The following SRPK2 variants were observed in gnomAD, a reference collection of about 807,000 sequenced individuals.
The protein encoded by SRPK2 is SFRS protein kinase 2.
SRPK2 carries 21 observed loss-of-function variants against 90.8 expected under a neutral mutation model. That is an observed-to-expected ratio of 0.23 (90% confidence interval 0.16 to 0.33). The LOEUF (loss-of-function observed/expected upper bound fraction) is 0.33. Ranked by LOEUF, SRPK2 falls within the 10% of genes least tolerant of loss-of-function variation. The pLI is 1.00. For missense variants in SRPK2, 620 were observed against 869.0 expected (o/e 0.71, Z 3.60); for synonymous variants, 288 against 311.1 (o/e 0.93, Z 0.78).
intron 2 of SRPK2, among the ~76,000 whole-genome samples, chr7:105,261,527 CAA>C (rs557687150): frequency 4.5e-5 from 6 of 134,550 alleles, no homozygotes; most frequent in African/African-American, 2.7e-5. Context: ...GACTCCATCT[CAA>C]AAAAAAAAAG....
chr7:105,332,129 A>C (rs1353379516), intron 2 of SRPK2, among the ~76,000 whole-genome samples: 1 of 152,222 alleles, frequency 6.6e-6, no homozygotes, highest in African/African-American at 2.4e-5. Context: ...GCAATATTCT[A>C]AAGCACCAAG....
chr7:105,318,481 A>G (rs759112960), intron 2 of SRPK2, among the ~76,000 whole-genome samples: 3 of 152,246 alleles, frequency 2.0e-5, no homozygotes, highest in Non-Finnish European at 4.4e-5. Flanking sequence ...CAATTGATAT[A>G]AACTGCATTA....
intron 3 of SRPK2, among the ~76,000 whole-genome samples, chr7:105,171,444 C>T (rs1791135230): frequency 6.6e-6 from 1 of 151,950 alleles, no homozygotes; most frequent in Non-Finnish European, 1.5e-5. Flanking sequence ...TTAACATTTG[C>T]TTTTTTATTG....
At chr7:105,198,622 G>A (rs1342418049) in intron 3 of SRPK2, among the ~76,000 whole-genome samples, 2 of 152,156 alleles carry the variant, frequency 1.3e-5, no homozygotes, top group African/African-American at 2.4e-5. Context: ...GCACTGATGG[G>A]TATAGACAGC....
At chr7:105,369,036 G>A (rs1819403272) in intron 2 of SRPK2, among the ~76,000 whole-genome samples, 1 of 151,940 alleles carries the variant, frequency 6.6e-6, no homozygotes, top group South Asian at 2.1e-4. Context: ...AAGGCCAGGC[G>A]GCAAGGACCA....
intron 2 of SRPK2, among the ~76,000 whole-genome samples, chr7:105,218,983 G>T (rs1437504664): frequency 2.0e-5 from 3 of 151,928 alleles, no homozygotes; most frequent in African/African-American, 4.8e-5. Context: ...CAACTAGAAA[G>T]AACATAAGCA....
intron 13 of SRPK2, 120 bp downstream of exon 13, chr7:105,132,671 G>T: frequency 1.3e-6 from 1 of 757,346 alleles, no homozygotes; most frequent in Non-Finnish European, 2.1e-6. Flanking sequence ...CCAGCCCACG[G>T]TGGATGACCC....
chr7:105,372,622 C>T (rs1228014983), intron 2 of SRPK2, among the ~76,000 whole-genome samples: 1 of 152,188 alleles, frequency 6.6e-6, no homozygotes, highest in Non-Finnish European at 1.5e-5. Flanking sequence ...CAGAAGATTC[C>T]ATCAAGTTGC....
chr7:105,379,056 C>A (rs1820630857), intron 2 of SRPK2, among the ~76,000 whole-genome samples: 1 of 151,894 alleles, frequency 6.6e-6, no homozygotes. Flanking sequence ...ACTCAGCAGC[C>A]TGAGGCAGGA....
chr7:105,271,944 A>C (rs1053074693), intron 2 of SRPK2, among the ~76,000 whole-genome samples: 14 of 152,154 alleles, frequency 9.2e-5, no homozygotes, highest in Non-Finnish European at 2.1e-4. Flanking sequence ...CACCTTCCTC[A>C]CACCAAAGTT....
At chr7:105,300,274 A>C (rs1203120268) in intron 2 of SRPK2, among the ~76,000 whole-genome samples, 3 of 148,570 alleles carry the variant, frequency 2.0e-5, no homozygotes, top group Non-Finnish European at 1.5e-5. Flanking sequence ...AAAAAAAAAA[A>C]AAAAGTATAT....
At chr7:105,330,259 C>T (rs1259399774) in intron 2 of SRPK2, among the ~76,000 whole-genome samples, 2 of 151,928 alleles carry the variant, frequency 1.3e-5, no homozygotes, top group South Asian at 4.1e-4. Flanking sequence ...ATGGCGTCAA[C>T]CCAGGAGGTG....
chr7:105,135,833 C>T (rs371282419), intron 11 of SRPK2, among the ~76,000 whole-genome samples: 252 of 150,772 alleles, frequency 1.7e-3, no homozygotes, highest in African/African-American at 5.8e-3. Flanking sequence ...GGCGCGATCT[C>T]GGCTCACTGC....
intron 2 of SRPK2, among the ~76,000 whole-genome samples, chr7:105,258,865 T>C (rs935736180): frequency 6.6e-6 from 1 of 152,160 alleles, no homozygotes; most frequent in African/African-American, 2.4e-5. Flanking sequence ...CTCAGTAAAC[T>C]AGGTATTGAT....
At chr7:105,149,266 T>C (rs534163501) in intron 7 of SRPK2, among the ~76,000 whole-genome samples, 3 of 152,338 alleles carry the variant, frequency 2.0e-5, no homozygotes, top group East Asian at 1.9e-4. Context: ...TGAGACATGT[T>C]TGCAGTAATG....
intron 2 of SRPK2, among the ~76,000 whole-genome samples, chr7:105,275,918 A>G (rs1282674972): frequency 1.3e-5 from 2 of 152,196 alleles, no homozygotes; most frequent in African/African-American, 4.8e-5. Context: ...TTAAAAAGAC[A>G]TAATAACTGG....
At chr7:105,148,362 A>G (rs1804979973) in intron 7 of SRPK2, among the ~76,000 whole-genome samples, 1 of 152,206 alleles carries the variant, frequency 6.6e-6, no homozygotes, top group Non-Finnish European at 1.5e-5. Context: ...ATGAACCAAG[A>G]TATTCATATT....
chr7:105,335,980 G>A (rs750158518), intron 2 of SRPK2, among the ~76,000 whole-genome samples: 3 of 150,634 alleles, frequency 2.0e-5, no homozygotes, highest in Admixed American at 6.6e-5. Flanking sequence ...TTTGCTTATC[G>A]TATAAAAATA....
At chr7:105,129,498 C>T (rs1273256717) in intron 13 of SRPK2, among the ~76,000 whole-genome samples, 1 of 152,140 alleles carries the variant, frequency 6.6e-6, no homozygotes, top group East Asian at 1.9e-4. Flanking sequence ...CCTCAGCCAC[C>T]TGAGTAGCTA....
Sources: allele counts gnomAD v4.1 joint callset (sites outside exome capture counted in the v4.1 genomes callset), GRCh38; gene constraint gnomAD v4.1.1; transcripts MANE v1.5; gene names NCBI Gene and HGNC (gene_info 2026-07-23, HGNC 2026-07-21).